The following GPHN variants were observed in gnomAD, a reference collection of about 807,000 sequenced individuals.
GPHN encodes the protein gephyrin.
A neutral mutation model predicts 95.5 loss-of-function variants in GPHN; 17 were observed. That is an observed-to-expected ratio of 0.18 (90% CI 0.12 to 0.27). The LOEUF (loss-of-function observed/expected upper bound fraction) is 0.27. Ranked by LOEUF, GPHN falls within the 10% of genes least tolerant of loss-of-function variation. The pLI is 1.00. For synonymous variants in GPHN, 320 were observed against 322.5 expected, an observed-to-expected ratio of 0.99 and a Z score of 0.08; for missense variants, 660 against 978.1, an observed-to-expected ratio of 0.67 and a Z score of 4.34.
chr14:67,571,929 G>T, the GPHN span: 2 of 1,585,898 alleles, frequency 1.3e-6, no homozygotes, highest in Admixed American at 3.6e-5. Flanking sequence ...CAGGGGCAGG[G>T]TGCAGCAGCA....
the GPHN span, among the ~76,000 whole-genome samples, chr14:67,529,551 A>G: frequency 6.6e-6 from 1 of 152,148 alleles, no homozygotes; most frequent in Admixed American, 6.5e-5. Context: ...TCTCACATGC[A>G]CACATATACA....
At chr14:67,518,999 G>T in the GPHN span, among the ~76,000 whole-genome samples, 1 of 152,210 alleles carries the variant, frequency 6.6e-6, no homozygotes, top group Admixed American at 6.5e-5. Flanking sequence ...AGCCAATCTT[G>T]AATCTGGAAT....
At chr14:67,225,624 C>A in the GPHN span, among the ~76,000 whole-genome samples, 4 of 151,698 alleles carry the variant, frequency 2.6e-5, no homozygotes, top group Non-Finnish European at 5.9e-5. Flanking sequence ...TCTTTTTTTT[C>A]ATAGCAAAAT....
chr14:67,582,066 T>C, the GPHN span: 1 of 1,607,648 alleles, frequency 6.2e-7, no homozygotes, highest in Non-Finnish European at 8.5e-7. This position sits in a 1 kb window ranked among gnomAD's most constrained non-coding sequence, Gnocchi z 5.0. Context: ...CTCTTCTTTG[T>C]AGGCTGTACT....
chr14:67,181,198 G>T lies in GPHN; in HGVS notation c.*261G>T. ...AAATTGCTTTGTGTGTTCAATGCTA[G>T]GTCTGATAGCGATAGCTTTTAGTAG... is the stretch of plus-strand genomic sequence containing the variant. On this transcript the variant is annotated 3_prime_UTR_variant, in exon 23 of 23. Coordinates refer to ENST00000478722, the MANE Select transcript of GPHN (RefSeq NM_020806.5). 1 of 523,062 alleles carries T rather than the reference G, an allele frequency of 1.9e-6. No homozygotes were observed. 32.4% of individuals were successfully genotyped at this position (523,062 alleles called of 1,614,324 possible).
At chr14:67,335,972 G>T in the GPHN span, among the ~76,000 whole-genome samples, 1 of 143,154 alleles carries the variant, frequency 7.0e-6, no homozygotes, top group Non-Finnish European at 1.6e-5. Flanking sequence ...CAGAGGGATA[G>T]TGCCCCCTGT....
At chr14:66,880,861 A>G (rs1462928712) in intron 5 of GPHN, among the ~76,000 whole-genome samples, 1 of 152,004 alleles carries the variant, frequency 6.6e-6, no homozygotes, top group Non-Finnish European at 1.5e-5. Flanking sequence ...AATGAGGACA[A>G]TTACATCACT....
the GPHN span, among the ~76,000 whole-genome samples, chr14:67,664,977 A>G: frequency 6.6e-6 from 1 of 151,890 alleles, no homozygotes; most frequent in Admixed American, 6.6e-5. Context: ...AGTGATTCTC[A>G]TGCCTCAGCC....
chr14:67,016,170 CTT>C (rs903057550), intron 9 of GPHN, among the ~76,000 whole-genome samples: 4 of 152,188 alleles, frequency 2.6e-5, no homozygotes, highest in African/African-American at 9.6e-5. Flanking sequence ...GGCTCAGAGA[CTT>C]TTAACCTTTT....
the GPHN span, among the ~76,000 whole-genome samples, chr14:67,516,135 G>A: frequency 5.3e-5 from 8 of 152,206 alleles, no homozygotes; most frequent in Non-Finnish European, 1.0e-4. Flanking sequence ...CAGGCCCCTT[G>A]GACTGGTCCT....
At chr14:67,058,312 A>G (rs1484668279) in intron 10 of GPHN, among the ~76,000 whole-genome samples, 1 of 152,248 alleles carries the variant, frequency 6.6e-6, no homozygotes, top group Non-Finnish European at 1.5e-5. Context: ...AAGAAATCAC[A>G]TATTAATAGT....
intron 4 of GPHN, among the ~76,000 whole-genome samples, chr14:66,864,359 T>C (rs946159129): frequency 2.0e-5 from 3 of 152,166 alleles, no homozygotes; most frequent in Admixed American, 6.5e-5. Flanking sequence ...TTGTACACCA[T>C]TGGTAGGAAT....
chr14:67,199,191 A>G, the GPHN span: 35 of 1,606,084 alleles, frequency 2.2e-5, 1 homozygote, highest in South Asian at 3.6e-4. Context: ...CAACACCCAC[A>G]TGCCAAAGGA....
At chr14:66,887,478 G>A (rs993250440) in intron 5 of GPHN, among the ~76,000 whole-genome samples, 2 of 152,118 alleles carry the variant, frequency 1.3e-5, no homozygotes, top group Non-Finnish European at 2.9e-5. Context: ...TCCCAGCTGA[G>A]GCAGGAGAAT....
chr14:67,279,491 G>A, the GPHN span: 9 of 1,579,712 alleles, frequency 5.7e-6, no homozygotes, highest in Non-Finnish European at 6.9e-6. Context: ...TTGATACAGA[G>A]GAAGGAATTG....
At chr14:66,676,996 T>G (rs2066636737) in intron 1 of GPHN, among the ~76,000 whole-genome samples, 1 of 152,088 alleles carries the variant, frequency 6.6e-6, no homozygotes, top group South Asian at 2.1e-4. Flanking sequence ...GTTTTCTATT[T>G]CTTCCTGATT....
At chr14:67,488,268 G>T in the GPHN span, among the ~76,000 whole-genome samples, 1 of 152,240 alleles carries the variant, frequency 6.6e-6, no homozygotes, top group Non-Finnish European at 1.5e-5. Flanking sequence ...GGCCGCTTGG[G>T]CCCTTGCTCA....
At chr14:67,472,449 G>A in the GPHN span, 4 of 152,396 alleles carry the variant, frequency 2.6e-5, no homozygotes, top group Admixed American at 6.5e-5. Flanking sequence ...AACCCAGCCT[G>A]CCTGTGCATT....
At chr14:67,332,879 G>A in the GPHN span, 2 of 1,613,974 alleles carry the variant, frequency 1.2e-6, no homozygotes, top group East Asian at 2.2e-5. Flanking sequence ...TCTTGATAAA[G>A]CCTATCAGGA....
Sources: allele counts gnomAD v4.1 joint callset (sites outside exome capture counted in the v4.1 genomes callset), GRCh38; gene constraint gnomAD v4.1.1; non-coding constraint Gnocchi (gnomAD v3.1); transcripts MANE v1.5; gene names NCBI Gene and HGNC (gene_info 2026-07-23, HGNC 2026-07-21).